KIF3A: variants seen among roughly 807,000 people sequenced by gnomAD.
KIF3A encodes kinesin family member 3A.
In KIF3A, 27 loss-of-function variants were observed where a neutral mutation model predicts 92.6. The ratio of observed to expected loss-of-function variants is 0.29; its 90% confidence interval spans 0.21 to 0.40. KIF3A has a LOEUF of 0.40. Ranked by LOEUF, KIF3A falls within the 10% of genes least tolerant of loss-of-function variation. The pLI is 1.00. For missense variants in KIF3A, 581 were observed against 872.6 expected (o/e 0.67, Z 4.21); for synonymous variants, 250 against 275.4 (o/e 0.91, Z 0.92).
intron 11 of KIF3A, among the ~76,000 whole-genome samples, chr5:132,705,408 C>T (rs538568101): frequency 6.6e-6 from 1 of 152,014 alleles, no homozygotes; most frequent in South Asian, 2.1e-4. Context: ...ATCTAATCAA[C>T]ATATGAACAG....
In KIF3A at chr5:132,724,832, TATATATATATATATATATATATATTAAA is replaced by T. The variant is rs1561709049; in HGVS notation, c.510+1268_510+1295del. On this transcript the variant is annotated intron_variant, in intron 4 of 18. Coordinates refer to ENST00000403231, the MANE Select transcript of KIF3A (RefSeq NM_001300791.2). ...ATATATATATATATATATATATATA[TATATATATATATATATATATATATTAAA>T]AAATCATTCTAAGAAAGGGATTACA... 2.0e-4 allele frequency among the ~76,000 whole-genome samples: 8 copies of T among 39,514 alleles called. 1 individual carries two copies. Among genetic ancestry groups the T allele is most frequent in the African/African-American group, 5.5e-4 (8 of 14,532 alleles). 25.9% of individuals were successfully genotyped at this position (39,514 alleles called of 152,430 possible).
intron 6 of KIF3A, 109 bp downstream of exon 6, chr5:132,716,735 AC>A: frequency 8.5e-7 from 1 of 1,173,776 alleles, no homozygotes; most frequent in Non-Finnish European, 1.2e-6. Flanking sequence ...CACAAGTAAC[AC>A]CTTAAAAATC....
At chr5:132,722,312 G>A (rs538366109) in intron 4 of KIF3A, among the ~76,000 whole-genome samples, 1 of 152,248 alleles carries the variant, frequency 6.6e-6, no homozygotes, top group African/African-American at 2.4e-5. Flanking sequence ...GGATGGAAAT[G>A]CTACCAAAGA....
intron 12 of KIF3A, 84 bp from the exon 13 acceptor site, chr5:132,703,149 T>C (rs1753098893): frequency 8.6e-7 from 1 of 1,168,250 alleles, no homozygotes; most frequent in African/African-American, 1.6e-5. Flanking sequence ...AAAATTTGGA[T>C]ATACAATTTC....
At position 132,726,440 on chromosome 5, in the gene KIF3A, A is replaced by G; in HGVS notation, c.339T>C (p.Val113=). 6.2e-7 allele frequency: 1 copy of G among 1,613,742 alleles called. No individual in the cohort carries two copies. Among genetic ancestry groups the G allele is most frequent in the Non-Finnish European group, 8.5e-7 (1 of 1,179,686 alleles). The change falls in exon 3 of 19, where the codon GTT becomes GTC. Residue 113 remains valine (V), a synonymous_variant. Coordinates refer to ENST00000403231, the MANE Select transcript of KIF3A (RefSeq NM_001300791.2). The stretch of plus-strand genomic sequence containing the variant: ...TTCCTCTAAGTTCAGGAATAGCTCG[A>G]ACACCTTCCATGGTAAAAGTTTTGC... The part of the protein sequence containing the change: ...GTGKTFTMEG[V]RAIPELRGII...
chr5:132,720,369 G>A (rs1212054438), intron 5 of KIF3A, among the ~76,000 whole-genome samples: 4 of 152,122 alleles, frequency 2.6e-5, no homozygotes, highest in Admixed American at 6.6e-5. Context: ...AGAGACAGCC[G>A]TATGAGAGTT....
intron 11 of KIF3A, among the ~76,000 whole-genome samples, chr5:132,705,819 T>TA (rs1753191452): frequency 6.6e-6 from 1 of 152,096 alleles, no homozygotes; most frequent in Non-Finnish European, 1.5e-5. Context: ...ACCAGGTATT[T>TA]AAAAATGTGA....
rs1175288335 is a variant in KIF3A, at chr5:132,693,031, G to T, written c.*3603C>A. ...GAAGACTTTCCTTAAGAGTTAAGGGGAAGGATATTAAAAACAGACTAAAAG... is the reference window on the plus strand; with the variant it reads ...GAAGACTTTCCTTAAGAGTTAAGGGTAAGGATATTAAAAACAGACTAAAAG... On this transcript the variant is annotated 3_prime_UTR_variant, in exon 19 of 19. Transcript: ENST00000403231. 1 of 152,502 alleles carries T rather than the reference G, an allele frequency of 6.6e-6. No individual in the cohort carries two copies. Among genetic ancestry groups the T allele is most frequent in the Non-Finnish European group, 1.5e-5 (1 of 68,026 alleles). The allele number at this position is 152,502 out of a possible 1,614,324, so 9.4% of individuals were successfully genotyped here. A position where few individuals can be genotyped will look rare whatever the true frequency, so the allele number is the denominator to read the frequency against.
At chr5:132,734,097 GTA>G in intron 2 of KIF3A, 106 bp downstream of exon 2, 1 of 871,946 alleles carries the variant, frequency 1.1e-6, no homozygotes, top group Non-Finnish European at 1.8e-6. Flanking sequence ...TTTCACAACT[GTA>G]TATATTTACT....
intron 10 of KIF3A, among the ~76,000 whole-genome samples, chr5:132,708,619 A>G (rs1368324786): frequency 1.3e-5 from 2 of 152,348 alleles, no homozygotes; most frequent in East Asian, 3.9e-4. Context: ...AAGCATAAGA[A>G]TTATTCTTTT....
At chr5:132,714,524 C>T (rs966780896) in intron 8 of KIF3A, among the ~76,000 whole-genome samples, 1 of 152,120 alleles carries the variant, frequency 6.6e-6, no homozygotes, top group African/African-American at 2.4e-5. Context: ...AAGCCAGTCA[C>T]AAGTAGATAC....
chr5:132,724,878 G>A (rs1753986394), intron 4 of KIF3A, among the ~76,000 whole-genome samples: 2 of 115,824 alleles, frequency 1.7e-5, no homozygotes, highest in Admixed American at 9.8e-5. Context: ...TCTAAGAAAG[G>A]GATTACAATC....
At chr5:132,699,862 C>G (rs1162641483) in intron 17 of KIF3A, among the ~76,000 whole-genome samples, 3 of 151,982 alleles carry the variant, frequency 2.0e-5, no homozygotes, top group African/African-American at 7.2e-5. Flanking sequence ...ACGCCCGGCC[C>G]GCTCCCTCTT....
intron 2 of KIF3A, among the ~76,000 whole-genome samples, chr5:132,730,466 CAAAA>C (rs1754189330): frequency 1.7e-5 from 2 of 118,042 alleles, no homozygotes; most frequent in African/African-American, 7.6e-5. Flanking sequence ...GACTCTGTCT[CAAAA>C]AAAGAAAAAA....
chr5:132,733,070 G>C (rs1219725889), intron 2 of KIF3A, among the ~76,000 whole-genome samples: 1 of 152,148 alleles, frequency 6.6e-6, no homozygotes, highest in African/African-American at 2.4e-5. Context: ...TCATAGAATA[G>C]ATATAGACAG....
At chr5:132,700,610 TTTAA>T in intron 16 of KIF3A, 33 bp downstream of exon 16, 1 of 1,405,064 alleles carries the variant, frequency 7.1e-7, no homozygotes, top group African/African-American at 1.4e-5. Flanking sequence ...GGAAGTACTC[TTTAA>T]TTATTACGTG....
At position 132,714,527 on chromosome 5, in the gene KIF3A, G is replaced by A. The variant is rs538664057; in HGVS notation, c.1129+1230C>T. ...GTTAAGTGAAATAAGCCAGTCACAA[G>A]TAGATACTCCATGATTTTACTTATA... On this transcript the variant is annotated intron_variant, in intron 8 of 18. Transcript: ENST00000403231. 3.9e-5 allele frequency among the ~76,000 whole-genome samples: 6 copies of A among 152,318 alleles called. No homozygotes were observed. The East Asian group carries it at 1.2e-3, about 29-fold the overall frequency.
At chr5:132,734,781 A>G (rs1363217777) in intron 1 of KIF3A, among the ~76,000 whole-genome samples, 1 of 152,220 alleles carries the variant, frequency 6.6e-6, no homozygotes, top group East Asian at 1.9e-4. Context: ...CTTTTTGCAC[A>G]AAAGTCTCTG....
rs1351588058 is a variant in KIF3A, at chr5:132,720,678, C to G, written c.547G>C (p.Asp183His). Reference protein sequence around the residue: ...ERPDVGVYIKDLSAYVVNNAD... With the variant: ...ERPDVGVYIKHLSAYVVNNAD... Reference sequence around the variant, plus strand: ...TTATTTACCACATAAGCTGATAAATCTTTGATATAAACTCCCACATCAGGT... The same window carrying G: ...TTATTTACCACATAAGCTGATAAATGTTTGATATAAACTCCCACATCAGGT... The change falls in exon 5 of 19, where the codon GAT becomes CAT. Residue 183 changes from aspartate to histidine, a missense_variant. By Grantham distance (81) the Asp-to-His change is moderately conservative. Around this residue, in one of 5 missense-constraint regions of KIF3A, gnomAD observed 217 missense variants for 299.7 expected, o/e 0.72. Transcript: ENST00000403231. 1 of 1,611,338 alleles carries G rather than the reference C, an allele frequency of 6.2e-7. No individual in the cohort carries two copies. Among genetic ancestry groups the G allele is most frequent in the East Asian group, 2.2e-5 (1 of 44,798 alleles).
Sources: allele counts gnomAD v4.1 joint callset (sites outside exome capture counted in the v4.1 genomes callset), GRCh38; gene constraint gnomAD v4.1.1; regional missense constraint gnomAD v4.1.1; transcripts MANE v1.5; gene names NCBI Gene and HGNC (gene_info 2026-07-23, HGNC 2026-07-21).